HEG1: variants seen among roughly 807,000 people sequenced by gnomAD.
HEG1 encodes protein HEG homolog 1.
Under a neutral mutation model 125.6 loss-of-function variants are expected in HEG1, and 56 were observed. That is an observed-to-expected ratio of 0.45 (90% CI 0.36 to 0.56). The LOEUF is 0.56. Among genes scored for constraint, HEG1 ranks in the 20% least tolerant of loss-of-function variants. The pLI is 0.00. For missense variants in HEG1, 1,523 were observed against 1,670.0 expected, an observed-to-expected ratio of 0.91 and a Z score of 1.53; for synonymous variants, 644 against 668.5, an observed-to-expected ratio of 0.96 and a Z score of 0.57.
At chr3:125,014,649 C>A in intron 5 of HEG1, 1 of 1,179,766 alleles carries the variant, frequency 8.5e-7, no homozygotes, top group Non-Finnish European at 1.1e-6. Context: ...CATCCCAGGA[C>A]GGTGAGTAAA....
At chr3:125,019,735 T>C (rs1937308726) in intron 4 of HEG1, 138 bp from the exon 5 acceptor site, 1 of 599,406 alleles carries the variant, frequency 1.7e-6, no homozygotes, top group Non-Finnish European at 2.9e-6. Context: ...TATTATGCAC[T>C]ATCATATTCT....
chr3:125,012,156 AG>A (rs1387326507), intron 6 of HEG1, among the ~76,000 whole-genome samples: 2 of 152,156 alleles, frequency 1.3e-5, no homozygotes, highest in Non-Finnish European at 2.9e-5. Context: ...GTGACTGGGG[AG>A]CCCCTGACTC....
At chr3:125,018,037 A>AT (rs1434589304) in intron 5 of HEG1, among the ~76,000 whole-genome samples, 2 of 151,908 alleles carry the variant, frequency 1.3e-5, no homozygotes, top group Admixed American at 1.3e-4. Flanking sequence ...TCAAAAAAAA[A>AT]AAAATAAATT....
At chr3:125,019,173 G>T in intron 5 of HEG1, 89 bp downstream of exon 5, 1 of 1,117,416 alleles carries the variant, frequency 8.9e-7, no homozygotes, top group African/African-American at 1.5e-5. Flanking sequence ...AGGCCCTCAT[G>T]CGTGGTTTTA....
At chr3:125,045,636 T>C (rs1937651395) in intron 1 of HEG1, among the ~76,000 whole-genome samples, 1 of 152,190 alleles carries the variant, frequency 6.6e-6, no homozygotes, top group Non-Finnish European at 1.5e-5. Flanking sequence ...TTCTCAGCAA[T>C]GTTCTCCCTT....
chr3:125,034,261 A>C (rs1284818164), intron 1 of HEG1, among the ~76,000 whole-genome samples: 1 of 152,264 alleles, frequency 6.6e-6, no homozygotes, highest in Non-Finnish European at 1.5e-5. Flanking sequence ...CTAGTAGTTG[A>C]AGTCTTTGCT....
At chr3:124,987,665 C>A (rs1362276299) in intron 14 of HEG1, among the ~76,000 whole-genome samples, 1 of 151,252 alleles carries the variant, frequency 6.6e-6, no homozygotes, top group Admixed American at 6.6e-5. Flanking sequence ...GAACTACAGG[C>A]GCTCGCCACC....
At chr3:124,986,409 C>T (rs182374632) in intron 14 of HEG1, among the ~76,000 whole-genome samples, 16 of 152,252 alleles carry the variant, frequency 1.1e-4, no homozygotes, top group Non-Finnish European at 2.1e-4. Flanking sequence ...TGGCACAAAA[C>T]GTTGAGTGAT....
rs200979690 is a variant in HEG1, at chr3:125,005,414, T to A, written c.3194-46A>T. ...TGTTAGATTACACAACAGAAGAACC[T>A]ATGCAAGGCTGTGTGTTTGCACATC... is the stretch of plus-strand genomic sequence containing the variant. On this transcript the variant is annotated intron_variant, in intron 8 of 16. Coordinates refer to ENST00000311127, the MANE Select transcript of HEG1 (RefSeq NM_020733.2). The A allele has an allele frequency of 2.8e-6, 3 of 1,055,650 alleles. No individual in the cohort carries two copies. The African/African-American group carries it at 4.8e-5, about 17-fold the overall frequency. The allele number at this position is 1,055,650 out of a possible 1,614,324, so 65.4% of individuals were successfully genotyped here. A position where few individuals can be genotyped will look rare whatever the true frequency, so the allele number is the denominator to read the frequency against.
Position 125,005,375 on chromosome 3 carries a change from A to T in HEG1, c.3194-7T>A. ...TCTGTCACGAAGGTTCTAACTGAAA[A>T]TGAAAATGTAACTTGTTAGATTACA... is the stretch of plus-strand genomic sequence containing the variant. On this transcript the variant is annotated splice_polypyrimidine_tract_variant and splice_region_variant and intron_variant, in intron 8 of 16. Transcript: ENST00000311127. 1.4e-6 allele frequency: 2 copies of T among 1,466,876 alleles called. No individual in the cohort carries two copies. Among genetic ancestry groups the T allele is most frequent in the South Asian group, 2.4e-5 (2 of 82,642 alleles). The allele number at this position is 1,466,876 out of a possible 1,614,324, so 90.9% of individuals were successfully genotyped here. A position where few individuals can be genotyped will look rare whatever the true frequency, so the allele number is the denominator to read the frequency against.
chr3:124,973,829 T>G lies in HEG1; in HGVS notation c.3898A>C (p.Lys1300Gln). ...CCCCATTCTTGTGAGCGAGGATTTT[T>G]GGGGTATTCAGCATACGGGGACATT... ...FQMSPYAEYP[K>Q]NPRSQEWGRE... Residue 1300 changes from lysine (K) to glutamine (Q), a missense_variant, in exon 16 of 17, where the codon AAA becomes CAA. Lys to Gln is a moderately conservative substitution (Grantham distance 53). Coordinates refer to ENST00000311127, the MANE Select transcript of HEG1 (RefSeq NM_020733.2). The G allele has an allele frequency of 6.2e-7, 1 of 1,613,772 alleles. No individual in the cohort carries two copies. The highest frequency in any genetic ancestry group is 8.5e-7 in the Non-Finnish European group (1 of 1,179,680).
rs556653346 is a variant in HEG1, at chr3:124,975,354, C to G, written c.3822-1449G>C. ...GTCAGAGGTCATAATTTTCCCTTAT[C>G]TGAATAGATCATCACAGAGAAGGGG... On this transcript the variant is annotated intron_variant, in intron 15 of 16. Transcript: ENST00000311127. 7.2e-5 allele frequency among the ~76,000 whole-genome samples: 11 copies of G among 152,318 alleles called. No homozygotes were observed. The East Asian group carries it at 2.1e-3, about 29-fold the overall frequency.
chr3:125,031,828 A>ACG (rs1937507228), intron 1 of HEG1, among the ~76,000 whole-genome samples: 1 of 151,804 alleles, frequency 6.6e-6, no homozygotes, highest in Non-Finnish European at 1.5e-5. Context: ...ACACACACAC[A>ACG]CACGCACACA....
intron 2 of HEG1, among the ~76,000 whole-genome samples, chr3:125,027,901 C>T (rs1937441261): frequency 6.6e-6 from 1 of 152,218 alleles, no homozygotes; most frequent in Non-Finnish European, 1.5e-5. Flanking sequence ...ATGTCATGTG[C>T]AGAGTTTCTA....
At chr3:125,015,790 A>AG (rs201788699) in intron 5 of HEG1, among the ~76,000 whole-genome samples, 1 of 152,030 alleles carries the variant, frequency 6.6e-6, no homozygotes, top group Non-Finnish European at 1.5e-5. Flanking sequence ...CTGTACAAAA[A>AG]GAAAAAAAAA....
intron 14 of HEG1, among the ~76,000 whole-genome samples, chr3:124,988,399 A>C (rs1936777774): frequency 6.6e-6 from 1 of 152,210 alleles, no homozygotes; most frequent in Non-Finnish European, 1.5e-5. Context: ...ACCTAAAAAG[A>C]ATTTTGACTA....
At chr3:124,987,598 C>G (rs1440962297) in intron 14 of HEG1, among the ~76,000 whole-genome samples, 2 of 145,306 alleles carry the variant, frequency 1.4e-5, no homozygotes, top group African/African-American at 5.2e-5. Flanking sequence ...TCCCGGCTCA[C>G]TGCAAGCTCC....
At chr3:125,025,835 C>A (rs1937407273) in intron 3 of HEG1, among the ~76,000 whole-genome samples, 1 of 152,104 alleles carries the variant, frequency 6.6e-6, no homozygotes, top group South Asian at 2.1e-4. Flanking sequence ...TCTTAAAAAG[C>A]AATCTTCTAA....
chr3:124,981,445 A>T (rs1036112141), intron 14 of HEG1, among the ~76,000 whole-genome samples: 8 of 152,282 alleles, frequency 5.3e-5, no homozygotes, highest in Non-Finnish European at 1.2e-4. Flanking sequence ...GCAGACCACA[A>T]GTTGTGTAGC....
Sources: gnomAD v4.1 joint callset for allele counts (sites outside exome capture counted in the v4.1 genomes callset) on GRCh38, gnomAD v4.1.1 for gene constraint, MANE v1.5 for transcripts, NCBI Gene and HGNC (gene_info 2026-07-23, HGNC 2026-07-21) for gene names.